GLIS3: variants seen among roughly 807,000 people sequenced by gnomAD.
The protein encoded by GLIS3 is GLIS family zinc finger 3.
GLIS3 carries 53 observed loss-of-function variants against 78.6 expected under a neutral mutation model. The ratio of observed to expected loss-of-function variants is 0.67; its 90% CI spans 0.54 to 0.85. GLIS3 has a LOEUF of 0.85. Among genes scored for constraint, GLIS3 ranks in the 40% least tolerant of loss-of-function variants. The pLI is 0.00. For missense variants in GLIS3, 1,703 were observed against 1,231.1 expected, an observed-to-expected ratio of 1.38 and a Z score of -5.74; for synonymous variants, 684 against 509.9, an observed-to-expected ratio of 1.34 and a Z score of -4.60.
At chr9:4,084,256 AAC>A (rs370384726) in intron 4 of GLIS3, among the ~76,000 whole-genome samples, 6,860 of 132,074 alleles carry the variant, frequency 0.052, 478 homozygotes, top group African/African-American at 0.17. Flanking sequence ...TCCTCTCTCT[AAC>A]ACACACACAC....
chr9:4,275,841 G>A (rs181830912), intron 2 of GLIS3, among the ~76,000 whole-genome samples: 21 of 152,264 alleles, frequency 1.4e-4, no homozygotes, highest in Non-Finnish European at 4.4e-5. Flanking sequence ...ACTGAGCCTT[G>A]ATGTCTTCAT....
chr9:4,209,014 T>A (rs1197517086), intron 2 of GLIS3, among the ~76,000 whole-genome samples: 1 of 152,184 alleles, frequency 6.6e-6, no homozygotes, highest in Non-Finnish European at 1.5e-5. Flanking sequence ...CATTTTCACA[T>A]AAAGTTGCAT....
chr9:4,156,265 T>G (rs901001560), intron 2 of GLIS3, among the ~76,000 whole-genome samples: 4 of 152,158 alleles, frequency 2.6e-5, no homozygotes, highest in Non-Finnish European at 5.9e-5. Context: ...CTCCATTATC[T>G]TAATTCTTTA....
chr9:4,043,138 C>A (rs1007133181), intron 4 of GLIS3, among the ~76,000 whole-genome samples: 1 of 152,172 alleles, frequency 6.6e-6, no homozygotes, highest in Non-Finnish European at 1.5e-5. Flanking sequence ...CCCACAGCCC[C>A]ACTCAAGGTC....
chr9:4,192,778 C>T (rs1818441988), intron 2 of GLIS3, among the ~76,000 whole-genome samples: 1 of 135,118 alleles, frequency 7.4e-6, no homozygotes, highest in South Asian at 2.5e-4. Flanking sequence ...CTTAGTGAAG[C>T]AAATAAACCA....
chr9:4,375,199 A>C, the GLIS3 span, among the ~76,000 whole-genome samples: 1 of 152,176 alleles, frequency 6.6e-6, no homozygotes, highest in Non-Finnish European at 1.5e-5. Flanking sequence ...CCTCGTTCAA[A>C]AGAGGTTTGA....
intron 4 of GLIS3, among the ~76,000 whole-genome samples, chr9:3,978,207 CCTT>C (rs1178392097): frequency 6.6e-6 from 1 of 151,800 alleles, no homozygotes; most frequent in Non-Finnish European, 1.5e-5. Flanking sequence ...AAAGTCTAAA[CCTT>C]TTTTTTTTTT....
At chr9:4,121,945 G>T (rs367827285) in intron 3 of GLIS3, among the ~76,000 whole-genome samples, 2 of 152,246 alleles carry the variant, frequency 1.3e-5, no homozygotes, top group East Asian at 3.8e-4. Context: ...CCACAGCAAA[G>T]AAAGTGACAG....
At chr9:4,382,340 G>T in the GLIS3 span, among the ~76,000 whole-genome samples, 1 of 152,126 alleles carries the variant, frequency 6.6e-6, no homozygotes, top group East Asian at 1.9e-4. Context: ...GAGCATTATT[G>T]AACAGTATGT....
intron 2 of GLIS3, among the ~76,000 whole-genome samples, chr9:4,327,715 G>C (rs1332466907): frequency 2.6e-5 from 4 of 152,218 alleles, no homozygotes; most frequent in Non-Finnish European, 5.9e-5. Context: ...AGTTAATGGG[G>C]CTTGAGCCCC....
the GLIS3 span, among the ~76,000 whole-genome samples, chr9:4,458,680 C>T: frequency 2.0e-5 from 3 of 152,062 alleles, no homozygotes; most frequent in African/African-American, 4.8e-5. Flanking sequence ...CCCAGCTACT[C>T]GGGACTACTC....
At chr9:4,257,740 A>AT (rs1433968502) in intron 2 of GLIS3, among the ~76,000 whole-genome samples, 1 of 151,532 alleles carries the variant, frequency 6.6e-6, no homozygotes, top group Non-Finnish European at 1.5e-5. Context: ...CGCCCGGCTA[A>AT]TTTTTTTTAT....
intron 4 of GLIS3, among the ~76,000 whole-genome samples, chr9:4,022,465 C>A (rs1389520192): frequency 6.6e-6 from 1 of 152,154 alleles, no homozygotes; most frequent in Non-Finnish European, 1.5e-5. Flanking sequence ...TTCTAAAATG[C>A]AAATATGTAT....
the GLIS3 span, among the ~76,000 whole-genome samples, chr9:4,433,922 C>A: frequency 6.6e-6 from 1 of 152,000 alleles, no homozygotes; most frequent in Non-Finnish European, 1.5e-5. Flanking sequence ...TGGTGAAACC[C>A]CATCTCTACT....
intron 2 of GLIS3, among the ~76,000 whole-genome samples, chr9:4,185,994 TTTAAA>T (rs1005675152): frequency 2.0e-4 from 30 of 151,922 alleles, no homozygotes; most frequent in Non-Finnish European, 3.5e-4. Context: ...TCTTCTTTTT[TTTAAA>T]TTTTATTTTA....
chr9:4,115,524 C>T (rs1831572009), intron 4 of GLIS3, among the ~76,000 whole-genome samples: 2 of 151,990 alleles, frequency 1.3e-5, no homozygotes, highest in Admixed American at 1.3e-4. Context: ...TTTCCAGGTG[C>T]ATATCTACTT....
At chr9:4,304,546 A>C (rs1344445980), upstream of GLIS3, among the ~76,000 whole-genome samples, 1 of 152,182 alleles carries the variant, frequency 6.6e-6, no homozygotes, top group Non-Finnish European at 1.5e-5. Context: ...GCCTCAAAAT[A>C]AAAATATATA....
intron 4 of GLIS3, chr9:4,071,608 A>T (rs1297470229): frequency 6.6e-6 from 1 of 152,198 alleles, no homozygotes; most frequent in Non-Finnish European, 1.5e-5. Context: ...TAAGGAAAAG[A>T]ATACTATGCA....
At chr9:4,137,689 G>A (rs1833501703) in intron 2 of GLIS3, among the ~76,000 whole-genome samples, 1 of 152,154 alleles carries the variant, frequency 6.6e-6, no homozygotes, top group Non-Finnish European at 1.5e-5. Context: ...CCATCCGTCA[G>A]CTATTGTATA....
Sources: gnomAD v4.1 joint callset for allele counts (sites outside exome capture counted in the v4.1 genomes callset) on GRCh38, gnomAD v4.1.1 for gene constraint, MANE v1.5 for transcripts, NCBI Gene and HGNC (gene_info 2026-07-23, HGNC 2026-07-21) for gene names.